The following ANO1 variants were observed in gnomAD, a reference collection of about 807,000 sequenced individuals.
The protein encoded by ANO1 is anoctamin 1.
Under a neutral mutation model 124.0 loss-of-function variants are expected in ANO1, and 59 were observed. The ratio of observed to expected loss-of-function variants is 0.48; its 90% confidence interval spans 0.39 to 0.59. ANO1 has a LOEUF of 0.59. Ranked by LOEUF, ANO1 falls within the 20% of genes least tolerant of loss-of-function variation. The probability of loss-of-function intolerance (pLI) is 0.00; values close to 1 mark genes in which losing one functional copy is unlikely to be tolerated. For synonymous variants in ANO1, 529 were observed against 532.0 expected, an observed-to-expected ratio of 0.99 and a Z score of 0.08; for missense variants, 1,059 against 1,328.0, an observed-to-expected ratio of 0.80 and a Z score of 3.15.
intron 1 of ANO1, among the ~76,000 whole-genome samples, chr11:70,082,685 G>A (rs2044239383): frequency 6.6e-6 from 1 of 152,220 alleles, no homozygotes; most frequent in African/African-American, 2.4e-5. Flanking sequence ...GAATTTGGAA[G>A]TTATGCACAA....
chr11:69,968,535 G>T, the ANO1 span, among the ~76,000 whole-genome samples: 4 of 152,200 alleles, frequency 2.6e-5, no homozygotes, highest in Non-Finnish European at 5.9e-5. Context: ...TTACCAAGGA[G>T]CCCTCGAATG....
intron 1 of ANO1, among the ~76,000 whole-genome samples, chr11:70,043,740 AG>A (rs1295440779): frequency 6.6e-6 from 1 of 152,154 alleles, no homozygotes; most frequent in East Asian, 1.9e-4. Context: ...TCAAAAATAA[AG>A]GTGAAATAAA....
intron 1 of ANO1, chr11:70,064,462 G>A (rs1410907344): frequency 6.6e-6 from 1 of 152,318 alleles, no homozygotes; most frequent in Admixed American, 6.5e-5. Flanking sequence ...TTTCAGATGG[G>A]CGCCCTGGAC....
intron 1 of ANO1, among the ~76,000 whole-genome samples, chr11:70,027,696 G>A (rs1856932622): frequency 6.6e-6 from 1 of 152,166 alleles, no homozygotes; most frequent in Non-Finnish European, 1.5e-5. Context: ...GTCAGGTCTG[G>A]GCAGGAGGCA....
chr11:70,063,651 G>A (rs759000975), intron 1 of ANO1: 6 of 152,078 alleles, frequency 3.9e-5, no homozygotes, highest in Non-Finnish European at 7.4e-5. Flanking sequence ...TCAGAACCCC[G>A]TTTGTTCTGG....
chr11:70,051,177 C>T (rs1555006240), intron 1 of ANO1, among the ~76,000 whole-genome samples: 1 of 152,066 alleles, frequency 6.6e-6, no homozygotes, highest in East Asian at 1.9e-4. Context: ...TGCCCACCCA[C>T]CCCCAGTCAT....
At chr11:70,024,857 C>G (rs1410599730) in intron 1 of ANO1, among the ~76,000 whole-genome samples, 1 of 152,198 alleles carries the variant, frequency 6.6e-6, no homozygotes, top group African/African-American at 2.4e-5. Flanking sequence ...ATAGACTTGT[C>G]TGCTTCTCCT....
intron 20 of ANO1, 40 bp downstream of exon 20, chr11:70,165,610 C>T: frequency 1.3e-6 from 2 of 1,548,538 alleles, no homozygotes; most frequent in Admixed American, 1.8e-5. Flanking sequence ...AGGGGCGGGG[C>T]CAGGCGGAGG....
Position 70,111,728 on chromosome 11 carries a change from A to G in ANO1, c.821A>G (p.Asn274Ser). The change falls in exon 7 of 26, where the codon AAT becomes AGT. Residue 274 changes from asparagine (N) to serine (S), a missense_variant. Physicochemically the swap from Asn to Ser is conservative, Grantham distance 46. Transcript: ENST00000355303. ...TAAGGCATCACGAGCCTGCTGGCCA[A>G]TGGTGTGTACGCGGCTGCATACCCA... ...YSMGITSLLA[N>S]GVYAAAYPLH... is the part of the protein sequence containing the mutation. 1.2e-6 allele frequency: 2 copies of G among 1,614,018 alleles called. No individual in the cohort carries two copies. Among genetic ancestry groups the G allele is most frequent in the Non-Finnish European group, 1.7e-6 (2 of 1,179,890 alleles).
intron 9 of ANO1, among the ~76,000 whole-genome samples, chr11:70,125,603 G>T (rs996317927): frequency 6.6e-6 from 1 of 151,866 alleles, no homozygotes; most frequent in Non-Finnish European, 1.5e-5. Context: ...CCAGCACTTT[G>T]GGAGGCCGAA....
At chr11:70,000,728 T>A (rs561956512) in intron 1 of ANO1, among the ~76,000 whole-genome samples, 6 of 151,708 alleles carry the variant, frequency 4.0e-5, no homozygotes, top group South Asian at 4.2e-4. Flanking sequence ...TTGTTCATGA[T>A]AGCCCGCAAC....
chr11:70,072,014 A>C (rs907344324), intron 1 of ANO1, among the ~76,000 whole-genome samples: 1 of 151,924 alleles, frequency 6.6e-6, no homozygotes, highest in African/African-American at 2.4e-5. Context: ...GATTATTTTT[A>C]CTCTTGTTAG....
At chr11:70,060,031 G>A (rs1857538691) in intron 1 of ANO1, among the ~76,000 whole-genome samples, 1 of 135,292 alleles carries the variant, frequency 7.4e-6, no homozygotes, top group African/African-American at 2.8e-5. Context: ...GGTTTCTGGT[G>A]TCCTTTATAA....
In ANO1 at chr11:70,156,978, G is replaced by A; in HGVS notation, c.1535G>A (p.Arg512Gln). 1 of 1,613,666 alleles carries A rather than the reference G, an allele frequency of 6.2e-7. No homozygotes were observed. Among genetic ancestry groups the A allele is most frequent in the East Asian group, 2.2e-5 (1 of 44,850 alleles). ...AAAGTGAAGCTGACATGGAGAGATC[G>A]GTTCCCAGCCTACCTCACTAACTTG... ...TDKVKLTWRDRFPAYLTNLVS... is the reference protein window; with the variant it reads ...TDKVKLTWRDQFPAYLTNLVS... Residue 512 changes from arginine (R) to glutamine (Q), a missense_variant, in exon 16 of 26, where the codon CGG becomes CAG. Transcript: ENST00000355303.
intron 22 of ANO1, among the ~76,000 whole-genome samples, chr11:70,177,439 C>T (rs2048746020): frequency 2.0e-5 from 3 of 152,170 alleles, no homozygotes; most frequent in Admixed American, 2.0e-4. Context: ...GGTCGGAGGT[C>T]GCCGGGAGGC....
chr11:70,056,684 G>A (rs1555006909), intron 1 of ANO1: 1 of 152,108 alleles, frequency 6.6e-6, no homozygotes, highest in Non-Finnish European at 1.5e-5. Context: ...TCTCTCATCA[G>A]TTTTGGAAAA....
At position 70,169,534 on chromosome 11, in the gene ANO1, G is replaced by A. The variant is rs1180362490; in HGVS notation, c.2198-1353G>A. On this transcript the variant is annotated intron_variant, in intron 21 of 25. Coordinates refer to ENST00000355303, the MANE Select transcript of ANO1 (RefSeq NM_018043.7). ...TACCCTTAGTGCCAGAGTAGGCAGC[G>A]CCTCTCGGAAGTGAGGAAGCCCACC... Among the ~76,000 whole-genome samples the A allele has an allele frequency of 1.0e-4, 15 of 150,604 alleles. 1 individual carries two copies. Among genetic ancestry groups the A allele is most frequent in the South Asian group, 4.2e-4 (2 of 4,706 alleles).
At chr11:70,107,425 G>C (rs2045591088) in intron 5 of ANO1, among the ~76,000 whole-genome samples, 1 of 150,942 alleles carries the variant, frequency 6.6e-6, no homozygotes, top group South Asian at 2.1e-4. Context: ...CTGCAGGAGT[G>C]AGTTTGGAAA....
intron 1 of ANO1, among the ~76,000 whole-genome samples, chr11:70,000,691 C>G (rs1786640370): frequency 6.6e-6 from 1 of 151,532 alleles, no homozygotes; most frequent in African/African-American, 2.4e-5. Flanking sequence ...ACATCCAAAG[C>G]CATGAGTGAA....
Sources: allele counts gnomAD v4.1 joint callset (sites outside exome capture counted in the v4.1 genomes callset), GRCh38; gene constraint gnomAD v4.1.1; transcripts MANE v1.5; gene names NCBI Gene and HGNC (gene_info 2026-07-23, HGNC 2026-07-21).